Variants in CCDC85A observed in about 807,000 individuals in gnomAD.
CCDC85A encodes coiled-coil domain-containing protein 85A.
In CCDC85A, 38 loss-of-function variants were observed where a neutral mutation model predicts 50.2. That is an observed-to-expected ratio of 0.76 (90% CI 0.58 to 0.99). The LOEUF is 0.99. CCDC85A is among the 50% of genes least tolerant of loss of function. The probability of loss-of-function intolerance (pLI) is 0.00; values close to 1 mark genes in which losing one functional copy is unlikely to be tolerated. For missense variants in CCDC85A, 820 were observed against 742.0 expected, an observed-to-expected ratio of 1.11 and a Z score of -1.22; for synonymous variants, 366 against 301.4, an observed-to-expected ratio of 1.21 and a Z score of -2.22.
At chr2:56,366,780 T>C (rs2104381226) in intron 3 of CCDC85A, among the ~76,000 whole-genome samples, 1 of 152,326 alleles carries the variant, frequency 6.6e-6, no homozygotes, top group South Asian at 2.1e-4. Flanking sequence ...AGAAGTCCTC[T>C]GCCTGCCGAG....
intron 2 of CCDC85A, among the ~76,000 whole-genome samples, chr2:56,277,392 A>G (rs1468566199): frequency 1.3e-5 from 2 of 151,926 alleles, no homozygotes; most frequent in Non-Finnish European, 2.9e-5. Flanking sequence ...TTCTTCTTTA[A>G]GTTAAGCCCC....
At chr2:56,252,152 T>G (rs538256445) in intron 2 of CCDC85A, among the ~76,000 whole-genome samples, 1 of 152,090 alleles carries the variant, frequency 6.6e-6, no homozygotes, top group East Asian at 1.9e-4. Context: ...GTTCAAGCGA[T>G]TCTCCTGCCT....
chr2:56,343,425 A>T (rs946743499), intron 3 of CCDC85A, among the ~76,000 whole-genome samples: 1 of 152,242 alleles, frequency 6.6e-6, no homozygotes, highest in African/African-American at 2.4e-5. Context: ...GAACTCTTTC[A>T]GTGCAACAAA....
At chr2:56,218,727 G>A (rs1400076113) in intron 2 of CCDC85A, among the ~76,000 whole-genome samples, 4 of 151,694 alleles carry the variant, frequency 2.6e-5, no homozygotes, top group African/African-American at 4.8e-5. Context: ...TGATGTCCCC[G>A]AAATTTCTTT....
chr2:56,320,834 TA>T (rs1461115464), intron 2 of CCDC85A, among the ~76,000 whole-genome samples: 2 of 151,470 alleles, frequency 1.3e-5, no homozygotes, highest in African/African-American at 2.4e-5. Flanking sequence ...AGAGACACAA[TA>T]AAAAAAGAGA....
At chr2:56,250,199 C>T (rs1388503765) in intron 2 of CCDC85A, among the ~76,000 whole-genome samples, 5 of 152,046 alleles carry the variant, frequency 3.3e-5, no homozygotes, top group Non-Finnish European at 7.4e-5. Context: ...GAGTTTGGTG[C>T]CTGTTTAATT....
At chr2:56,309,008 A>C (rs1672568129) in intron 2 of CCDC85A, among the ~76,000 whole-genome samples, 1 of 152,188 alleles carries the variant, frequency 6.6e-6, no homozygotes, top group Non-Finnish European at 1.5e-5. Flanking sequence ...CAGCTTTCAA[A>C]ATTCTCCAAC....
chr2:56,268,877 CT>C (rs1162493315), intron 2 of CCDC85A, among the ~76,000 whole-genome samples: 2 of 151,976 alleles, frequency 1.3e-5, no homozygotes, highest in Non-Finnish European at 2.9e-5. Flanking sequence ...ACAATTTGAG[CT>C]TTTTTTGTTA....
At chr2:56,225,237 A>G (rs533280925) in intron 2 of CCDC85A, among the ~76,000 whole-genome samples, 62 of 152,230 alleles carry the variant, frequency 4.1e-4, no homozygotes, top group African/African-American at 1.5e-3. Flanking sequence ...AGCCTGGCCA[A>G]TATGGTGAAA....
intron 2 of CCDC85A, among the ~76,000 whole-genome samples, chr2:56,209,060 C>A (rs529437474): frequency 6.1e-4 from 93 of 152,144 alleles, no homozygotes; most frequent in African/African-American, 2.0e-3. Context: ...CAAATCTGGC[C>A]ATTGTGAGCC....
At chr2:56,274,436 G>A (rs537058641) in intron 2 of CCDC85A, among the ~76,000 whole-genome samples, 80 of 152,250 alleles carry the variant, frequency 5.3e-4, no homozygotes, top group Admixed American at 1.6e-3. Context: ...AATCCACAGG[G>A]CAGGACAACA....
intron 2 of CCDC85A, among the ~76,000 whole-genome samples, chr2:56,329,373 A>G (rs529860273): frequency 4.5e-4 from 68 of 152,240 alleles, no homozygotes; most frequent in South Asian, 2.9e-3. Context: ...GTTCCTGGAG[A>G]GGAGGAGTCT....
At chr2:56,193,538 G>T (rs1019224627) in intron 2 of CCDC85A, 98 bp downstream of exon 2, 5 of 1,345,244 alleles carry the variant, frequency 3.7e-6, no homozygotes, top group Admixed American at 5.6e-5. Flanking sequence ...AAGTGCAGGC[G>T]CTAGCTAGGG....
chr2:56,269,473 G>C (rs558290339), intron 2 of CCDC85A, among the ~76,000 whole-genome samples: 1 of 152,182 alleles, frequency 6.6e-6, no homozygotes, highest in South Asian at 2.1e-4. Flanking sequence ...CATTGCTAGG[G>C]CTCCTCCTAT....
At chr2:56,319,455 C>T (rs1254639683) in intron 2 of CCDC85A, among the ~76,000 whole-genome samples, 2 of 152,064 alleles carry the variant, frequency 1.3e-5, no homozygotes, top group Non-Finnish European at 2.9e-5. Context: ...AACTCTTAAG[C>T]ACCAGAACAA....
At chr2:56,302,549 G>A (rs1015081633) in intron 2 of CCDC85A, among the ~76,000 whole-genome samples, 1 of 152,168 alleles carries the variant, frequency 6.6e-6, no homozygotes, top group Admixed American at 6.5e-5. Flanking sequence ...ATGAACCCAC[G>A]TGATTATAGG....
chr2:56,219,422 G>A (rs1004675808), intron 2 of CCDC85A, among the ~76,000 whole-genome samples: 11 of 151,498 alleles, frequency 7.3e-5, no homozygotes, highest in African/African-American at 2.2e-4. Context: ...TTGAGTTACC[G>A]TTGACATATA....
intron 2 of CCDC85A, among the ~76,000 whole-genome samples, chr2:56,341,800 A>G (rs1254901482): frequency 1.3e-5 from 2 of 152,212 alleles, no homozygotes; most frequent in African/African-American, 2.4e-5. Context: ...GATGTGTGAA[A>G]AACTTGGGTC....
At chr2:56,377,328 A>G (rs1676381972) in intron 5 of CCDC85A, among the ~76,000 whole-genome samples, 1 of 152,192 alleles carries the variant, frequency 6.6e-6, no homozygotes, top group African/African-American at 2.4e-5. Flanking sequence ...TGAATCAGGC[A>G]CTAGCTATCT....
Sources: allele counts gnomAD v4.1 joint callset (sites outside exome capture counted in the v4.1 genomes callset), GRCh38; gene constraint gnomAD v4.1.1; transcripts MANE v1.5; gene names NCBI Gene and HGNC (gene_info 2026-07-23, HGNC 2026-07-21).